The following NF1 variants were observed in gnomAD, a reference collection of about 807,000 sequenced individuals.
NF1 encodes the protein neurofibromin 1.
Under a neutral mutation model 325.7 loss-of-function variants are expected in NF1, and 122 were observed. That is an observed-to-expected ratio of 0.37 (90% CI 0.32 to 0.44). NF1 has a LOEUF of 0.44. Ranked by LOEUF, NF1 falls within the 20% of genes least tolerant of loss-of-function variation. The probability of loss-of-function intolerance (pLI) is 1.00; values close to 1 mark genes in which losing one functional copy is unlikely to be tolerated. For missense variants in NF1, 2,140 were observed against 3,415.4 expected (o/e 0.63, Z 9.31); for synonymous variants, 1,091 against 1,186.0 (o/e 0.92, Z 1.65).
intron 27 of NF1, among the ~76,000 whole-genome samples, chr17:31,235,301 T>G (rs1178693187): frequency 6.6e-6 from 1 of 152,218 alleles, no homozygotes; most frequent in Non-Finnish European, 1.5e-5. Flanking sequence ...CTGTTTCTGC[T>G]CTCTTTCATT....
chr17:31,095,934 G>A (rs1198459650), intron 1 of NF1, among the ~76,000 whole-genome samples: 2 of 152,092 alleles, frequency 1.3e-5, no homozygotes, highest in African/African-American at 4.8e-5. Flanking sequence ...GGAAGGCACA[G>A]GTTTTCTTAC....
intron 18 of NF1, 56 bp downstream of exon 18, chr17:31,226,740 G>A (rs1277588662): frequency 8.1e-6 from 13 of 1,607,882 alleles, no homozygotes; most frequent in Non-Finnish European, 1.1e-5. Flanking sequence ...CATGGCATCT[G>A]ATTTTGAGAA....
intron 46 of NF1, chr17:31,340,193 A>G (rs1465829964): frequency 5.4e-6 from 2 of 367,422 alleles, no homozygotes; most frequent in East Asian, 1.2e-4. Flanking sequence ...GTCATTAGCA[A>G]TAAGAAAGAA....
chr17:31,296,003 T>C, intron 36 of NF1: 1 of 1,614,138 alleles, frequency 6.2e-7, no homozygotes, highest in Non-Finnish European at 8.5e-7. Flanking sequence ...AAGTTTAATG[T>C]TGTTGTTAGC....
chr17:31,166,111 G>A (rs1423304212), intron 4 of NF1, among the ~76,000 whole-genome samples: 2 of 152,078 alleles, frequency 1.3e-5, no homozygotes, highest in Admixed American at 6.5e-5. Flanking sequence ...AAATGCAGTT[G>A]ATCTAGTTGT....
intron 36 of NF1, chr17:31,303,830 AC>A (rs2068633766): frequency 6.5e-6 from 1 of 152,972 alleles, no homozygotes; most frequent in African/African-American, 2.4e-5. Context: ...TTTATTTAAT[AC>A]TTGAGGTATT....
chr17:31,174,146 A>AT lies in NF1; in HGVS notation c.586+4155dup, dbSNP rs1288702194. 3.3e-5 allele frequency among the ~76,000 whole-genome samples: 5 copies of AT among 152,338 alleles called. No homozygotes were observed. The South Asian group carries it at 8.3e-4, about 25-fold the overall frequency. ...CAGTAAAATCGCTTATAGACAGGTC[A>AT]TTTTTTCCAAACATAAATCTTTTTC... is the stretch of plus-strand genomic sequence containing the variant. On this transcript the variant is annotated intron_variant, in intron 5 of 57. Coordinates refer to ENST00000358273, the MANE Select transcript of NF1 (RefSeq NM_001042492.3).
chr17:31,175,921 A>T (rs1427184473), intron 5 of NF1, among the ~76,000 whole-genome samples: 1 of 152,176 alleles, frequency 6.6e-6, no homozygotes. Context: ...CCAGTCTATC[A>T]TTGATGGGCA....
intron 4 of NF1, among the ~76,000 whole-genome samples, chr17:31,168,505 C>G (rs1240339871): frequency 1.3e-5 from 2 of 152,070 alleles, no homozygotes; most frequent in African/African-American, 2.4e-5. Flanking sequence ...TCTCCTGAGC[C>G]TCTGTTAATC....
At chr17:31,122,662 T>C (rs1767346521) in intron 1 of NF1, among the ~76,000 whole-genome samples, 1 of 152,246 alleles carries the variant, frequency 6.6e-6, no homozygotes, top group Non-Finnish European at 1.5e-5. Context: ...CTCTGTAATT[T>C]CATTTGCATA....
intron 39 of NF1, among the ~76,000 whole-genome samples, chr17:31,333,802 G>C (rs951694788): frequency 6.6e-6 from 1 of 152,112 alleles, no homozygotes; most frequent in Non-Finnish European, 1.5e-5. Context: ...GTAAAGCCAC[G>C]GAACTGTACA....
chr17:31,151,989 C>T (rs923510889), intron 1 of NF1, among the ~76,000 whole-genome samples: 20 of 152,112 alleles, frequency 1.3e-4, no homozygotes, highest in African/African-American at 4.3e-4. Context: ...CCCATTAACT[C>T]GTCATTTACA....
chr17:31,363,196 G>A (rs2070435983), intron 57 of NF1, among the ~76,000 whole-genome samples: 1 of 151,998 alleles, frequency 6.6e-6, no homozygotes, highest in Non-Finnish European at 1.5e-5. Flanking sequence ...TTTACTACAT[G>A]TTTTCAGAGA....
chr17:31,129,053 C>T (rs1283055614), intron 1 of NF1, among the ~76,000 whole-genome samples: 3 of 152,086 alleles, frequency 2.0e-5, no homozygotes, highest in African/African-American at 7.2e-5. Flanking sequence ...TCTCTCTAGC[C>T]ACCTTTAACA....
chr17:31,171,838 T>TGC (rs1948740699), intron 5 of NF1, among the ~76,000 whole-genome samples: 1 of 152,144 alleles, frequency 6.6e-6, no homozygotes, highest in South Asian at 2.1e-4. Context: ...CCATGCTAAG[T>TGC]GCTGGGATTA....
At chr17:31,330,735 G>A in intron 39 of NF1, 1 of 540,410 alleles carries the variant, frequency 1.9e-6, no homozygotes, top group Non-Finnish European at 3.3e-6. Flanking sequence ...CAAGAGTTTG[G>A]TACTTTACAC....
At chr17:31,143,111 A>C (rs1307572410) in intron 1 of NF1, among the ~76,000 whole-genome samples, 3 of 152,088 alleles carry the variant, frequency 2.0e-5, no homozygotes, top group Admixed American at 6.5e-5. Context: ...TTTTCTTGTA[A>C]GCAAATATCA....
intron 29 of NF1, among the ~76,000 whole-genome samples, 200 bp from the exon 30 acceptor site, chr17:31,248,784 A>G (rs1359727656): frequency 1.3e-5 from 2 of 151,818 alleles, no homozygotes; most frequent in African/African-American, 4.8e-5. Flanking sequence ...TGGCCTCCCA[A>G]AGTACTGGGA....
At chr17:31,220,239 G>A (rs1358235662) in intron 14 of NF1, among the ~76,000 whole-genome samples, 1 of 152,074 alleles carries the variant, frequency 6.6e-6, no homozygotes, top group East Asian at 1.9e-4. Context: ...CCATCCTAAT[G>A]TACATACTGT....
Sources: allele counts gnomAD v4.1 joint callset (sites outside exome capture counted in the v4.1 genomes callset), GRCh38; gene constraint gnomAD v4.1.1; transcripts MANE v1.5; gene names NCBI Gene and HGNC (gene_info 2026-07-23, HGNC 2026-07-21).